The following CDS1 variants were observed in gnomAD, a reference collection of about 807,000 sequenced individuals.
The protein encoded by CDS1 is phosphatidate cytidylyltransferase 1.
CDS1 carries 41 observed loss-of-function variants against 62.1 expected under a neutral mutation model. The ratio of observed to expected loss-of-function variants is 0.66; its 90% CI spans 0.51 to 0.86. The LOEUF (loss-of-function observed/expected upper bound fraction) is 0.86, where lower values mean the gene tolerates loss of function less well. CDS1 is among the 40% of genes least tolerant of loss of function. CDS1 has a pLI of 0.00. For missense variants in CDS1, 470 were observed against 550.1 expected (o/e 0.85, Z 1.46); for synonymous variants, 185 against 192.6 (o/e 0.96, Z 0.32).
chr4:84,596,071 TG>T (rs1357486348), intron 1 of CDS1, among the ~76,000 whole-genome samples: 3 of 152,088 alleles, frequency 2.0e-5, no homozygotes, highest in Admixed American at 1.3e-4. Flanking sequence ...CGATTCCATT[TG>T]GGGATAGAGA....
Position 84,609,425 on chromosome 4 carries a change from G to A in CDS1, c.246-4G>A, listed in dbSNP as rs980707941. On this transcript the variant is annotated splice_region_variant and splice_polypyrimidine_tract_variant and intron_variant, in intron 2 of 12. Transcript: ENST00000295887. ...TAAATACTAACTTTACATTTTCTTT[G>A]TAGGTGGAAAAACTGGTGGATACGT... 1.3e-6 allele frequency: 2 copies of A among 1,579,812 alleles called. No individual in the cohort carries two copies. Among genetic ancestry groups the A allele is most frequent in the African/African-American group, 2.7e-5 (2 of 74,286 alleles).
intron 1 of CDS1, among the ~76,000 whole-genome samples, chr4:84,589,158 C>T (rs1015172430): frequency 2.0e-5 from 3 of 152,158 alleles, no homozygotes. Flanking sequence ...TACTTTTCAC[C>T]GACTTTCCCG....
chr4:84,587,544 A>G (rs1203366847), intron 1 of CDS1, among the ~76,000 whole-genome samples: 1 of 152,224 alleles, frequency 6.6e-6, no homozygotes, highest in Admixed American at 6.5e-5. Flanking sequence ...GGATGACCAC[A>G]GATTCAGGTC....
At chr4:84,605,864 C>G (rs1723077687) in intron 2 of CDS1, among the ~76,000 whole-genome samples, 2 of 152,078 alleles carry the variant, frequency 1.3e-5, no homozygotes, top group Non-Finnish European at 2.9e-5. Flanking sequence ...CCTTGTAACA[C>G]AGGTATATAA....
At chr4:84,603,620 A>G (rs1316261617) in intron 1 of CDS1, among the ~76,000 whole-genome samples, 1 of 152,158 alleles carries the variant, frequency 6.6e-6, no homozygotes, top group Non-Finnish European at 1.5e-5. Context: ...CATCTCCAAC[A>G]TACTCACGCA....
intron 5 of CDS1, among the ~76,000 whole-genome samples, chr4:84,621,424 C>G (rs539801344): frequency 1.3e-5 from 2 of 152,200 alleles, no homozygotes; most frequent in South Asian, 4.1e-4. Flanking sequence ...CCCTCAGCTC[C>G]TTCAGTTCCT....
At chr4:84,623,067 A>G (rs1694940210) in intron 5 of CDS1, among the ~76,000 whole-genome samples, 1 of 152,184 alleles carries the variant, frequency 6.6e-6, no homozygotes. Context: ...AGATGTTTAC[A>G]CAAGTCAGAT....
chr4:84,646,439 T>G (rs1382368163), intron 12 of CDS1, among the ~76,000 whole-genome samples: 1 of 152,196 alleles, frequency 6.6e-6, no homozygotes, highest in Non-Finnish European at 1.5e-5. Flanking sequence ...CTTATCTAAT[T>G]TATCCATTGA....
chr4:84,599,645 T>C (rs1430962801), intron 1 of CDS1, among the ~76,000 whole-genome samples: 2 of 151,976 alleles, frequency 1.3e-5, no homozygotes, highest in Non-Finnish European at 2.9e-5. Context: ...TATATATATA[T>C]GTATTACATG....
At chr4:84,587,370 T>G (rs1368758988) in intron 1 of CDS1, among the ~76,000 whole-genome samples, 1 of 152,170 alleles carries the variant, frequency 6.6e-6, no homozygotes, top group Non-Finnish European at 1.5e-5. Flanking sequence ...AAAATGACAG[T>G]TCAGATGTGT....
intron 8 of CDS1, among the ~76,000 whole-genome samples, chr4:84,638,626 A>T (rs913764163): frequency 2.0e-5 from 3 of 152,168 alleles, no homozygotes; most frequent in Admixed American, 6.6e-5. Context: ...ATTTTAGTAT[A>T]GAGTTTATAC....
At position 84,649,219 on chromosome 4, in the gene CDS1, A is replaced by G. The variant is rs1158732757; in HGVS notation, c.*533A>G. 6.6e-6 allele frequency: 1 copy of G among 152,182 alleles called. No homozygotes were observed. Among genetic ancestry groups the G allele is most frequent in the African/African-American group, 2.4e-5 (1 of 41,446 alleles). 9.4% of individuals were successfully genotyped at this position (152,182 alleles called of 1,614,324 possible). A position where few individuals can be genotyped will look rare whatever the true frequency, so the allele number is the denominator to read the frequency against. On this transcript the variant is annotated 3_prime_UTR_variant, in exon 13 of 13. Coordinates refer to ENST00000295887, the MANE Select transcript of CDS1 (RefSeq NM_001263.4). ...AAAAAAAAAGATTGTCTACTTTTCA[A>G]AGAAGTAACCATTTGCCAGGGGAAA...
At chr4:84,620,512 G>GC (rs1723650578) in intron 5 of CDS1, among the ~76,000 whole-genome samples, 1 of 150,810 alleles carries the variant, frequency 6.6e-6, no homozygotes, top group Non-Finnish European at 1.5e-5. Context: ...ATGAGCCACC[G>GC]CGCCTGGCCT....
At chr4:84,643,286 C>T (rs1047210288) in intron 11 of CDS1, 143 bp downstream of exon 11, 3 of 669,028 alleles carry the variant, frequency 4.5e-6, no homozygotes, top group Non-Finnish European at 7.5e-6. Context: ...CACAGAAATG[C>T]TGCCACGTTG....
chr4:84,590,218 T>G (rs923506204), intron 1 of CDS1, among the ~76,000 whole-genome samples: 1 of 152,216 alleles, frequency 6.6e-6, no homozygotes, highest in Non-Finnish European at 1.5e-5. Flanking sequence ...GGCAAACATT[T>G]TCAAAGAGTC....
intron 12 of CDS1, 116 bp downstream of exon 12, chr4:84,645,441 A>G (rs1724529455): frequency 1.6e-6 from 1 of 642,658 alleles, no homozygotes; most frequent in African/African-American, 1.8e-5. Context: ...ATTAAAGTGA[A>G]TGGTGGCCCC....
chr4:84,599,944 T>TA (rs1296903815), intron 1 of CDS1, among the ~76,000 whole-genome samples: 1 of 152,114 alleles, frequency 6.6e-6, no homozygotes, highest in Admixed American at 6.6e-5. Context: ...ATGTAATTTT[T>TA]AAAAAAACTG....
At chr4:84,609,377 C>T (rs1723243405) in intron 2 of CDS1, 52 bp from the exon 3 acceptor site, 1 of 1,176,248 alleles carries the variant, frequency 8.5e-7, no homozygotes, top group African/African-American at 1.5e-5. Context: ...ACTGAAACCA[C>T]ACAAAAAACC....
At chr4:84,594,994 G>A (rs1722704814) in intron 1 of CDS1, among the ~76,000 whole-genome samples, 1 of 152,056 alleles carries the variant, frequency 6.6e-6, no homozygotes. Flanking sequence ...GCTCTCAAAG[G>A]TGAAGCACAG....
Sources: allele counts gnomAD v4.1 joint callset (sites outside exome capture counted in the v4.1 genomes callset), GRCh38; gene constraint gnomAD v4.1.1; transcripts MANE v1.5; gene names NCBI Gene and HGNC (gene_info 2026-07-23, HGNC 2026-07-21).